Variants in CCDC171 observed in about 807,000 individuals in gnomAD.
CCDC171 encodes the protein coiled-coil domain containing 171.
Under a neutral mutation model 168.2 loss-of-function variants are expected in CCDC171, and 177 were observed. The observed-to-expected ratio is 1.05, with a 90% CI of 0.93 to 1.19. The LOEUF is 1.19. Among genes scored for constraint, CCDC171 ranks in the 50% most tolerant of loss-of-function variants. The pLI is 0.00. For synonymous variants in CCDC171, 687 were observed against 540.8 expected (o/e 1.27, Z -3.75); for missense variants, 1,991 against 1,539.0 (o/e 1.29, Z -4.91).
chr9:15,962,977 C>A (rs2132665989), intron 25 of CCDC171, among the ~76,000 whole-genome samples: 1 of 151,818 alleles, frequency 6.6e-6, no homozygotes, highest in South Asian at 2.1e-4. Context: ...ATTTCTCTAT[C>A]AGCCTTTACA....
At chr9:15,629,029 G>A (rs1232468980) in intron 7 of CCDC171, among the ~76,000 whole-genome samples, 1 of 152,116 alleles carries the variant, frequency 6.6e-6, no homozygotes, top group East Asian at 1.9e-4. Context: ...AAACCCTTCT[G>A]TACATCACCA....
At chr9:15,752,996 A>T (rs1469838915) in intron 18 of CCDC171, among the ~76,000 whole-genome samples, 2 of 152,164 alleles carry the variant, frequency 1.3e-5, no homozygotes, top group African/African-American at 4.8e-5. Flanking sequence ...TTATTAATTT[A>T]TTTAATGTAT....
chr9:15,963,807 C>T (rs1043402727), intron 25 of CCDC171, among the ~76,000 whole-genome samples: 5 of 152,134 alleles, frequency 3.3e-5, no homozygotes, highest in Non-Finnish European at 1.5e-5. Context: ...GTAATAGAGC[C>T]TCTGAATGTT....
intron 21 of CCDC171, among the ~76,000 whole-genome samples, chr9:15,798,509 G>A (rs985713630): frequency 4.0e-5 from 6 of 151,892 alleles, no homozygotes; most frequent in African/African-American, 1.4e-4. Flanking sequence ...TACATTTACC[G>A]TGGTGGTTTG....
rs751006817 is a variant in CCDC171 at position 15,723,747 on chromosome 9, G to T, written c.1491+1G>T. ...AGACTCTCACACTAAAAATATAAAG[G>T]TATTATTTAGAATAACTTTTACCTT... On this transcript the variant is annotated splice_donor_variant, in intron 13 of 25. Coordinates refer to ENST00000380701, the MANE Select transcript of CCDC171 (RefSeq NM_173550.4). LOFTEE classifies it high-confidence loss of function. 2.2e-6 allele frequency: 3 copies of T among 1,379,532 alleles called. No individual in the cohort carries two copies. The highest frequency in any genetic ancestry group is 1.0e-6 in the Non-Finnish European group (1 of 984,654). The allele number at this position is 1,379,532 out of a possible 1,614,324, so 85.5% of individuals were successfully genotyped here. A position where few individuals can be genotyped will look rare whatever the true frequency, so the allele number is the denominator to read the frequency against.
intron 18 of CCDC171, among the ~76,000 whole-genome samples, chr9:15,765,272 A>T (rs2056659818): frequency 6.6e-6 from 1 of 152,152 alleles, no homozygotes; most frequent in South Asian, 2.1e-4. Context: ...TTGGAGCAGG[A>T]GCAATATTTA....
chr9:15,599,218 T>A (rs182475973), intron 6 of CCDC171, among the ~76,000 whole-genome samples: 47 of 152,274 alleles, frequency 3.1e-4, no homozygotes, highest in African/African-American at 1.1e-3. Context: ...TTTTGCTCAT[T>A]AGTTGATGCA....
At chr9:15,757,879 C>T (rs760532176) in intron 18 of CCDC171, among the ~76,000 whole-genome samples, 12 of 152,286 alleles carry the variant, frequency 7.9e-5, no homozygotes, top group East Asian at 1.9e-4. Flanking sequence ...GTTGAGCCTA[C>T]GAGTGAACAG....
At chr9:15,678,338 T>C (rs1233375059) in intron 9 of CCDC171, among the ~76,000 whole-genome samples, 1 of 152,204 alleles carries the variant, frequency 6.6e-6, no homozygotes, top group Non-Finnish European at 1.5e-5. Context: ...CTGGTTCTAC[T>C]TGCATGGACA....
At chr9:15,641,520 A>T (rs1219324077) in intron 7 of CCDC171, among the ~76,000 whole-genome samples, 1 of 152,206 alleles carries the variant, frequency 6.6e-6, no homozygotes, top group Non-Finnish European at 1.5e-5. Flanking sequence ...CATAGAACCA[A>T]ATGTGACGTG....
At chr9:15,853,421 T>C (rs894342542) in intron 23 of CCDC171, among the ~76,000 whole-genome samples, 14 of 151,774 alleles carry the variant, frequency 9.2e-5, no homozygotes, top group South Asian at 4.1e-4. Flanking sequence ...GATTTTTGTA[T>C]GTTTATCTTT....
At chr9:15,842,819 C>T (rs894735253) in intron 21 of CCDC171, among the ~76,000 whole-genome samples, 7 of 151,612 alleles carry the variant, frequency 4.6e-5, no homozygotes, top group African/African-American at 1.2e-4. Flanking sequence ...CCTTAATAAA[C>T]GTTTGAAGCT....
chr9:15,571,835 C>T (rs1045951516), intron 3 of CCDC171, 76 bp downstream of exon 3: 41 of 1,293,438 alleles, frequency 3.2e-5, no homozygotes, highest in Non-Finnish European at 4.3e-5. Context: ...TGAAAAACTC[C>T]ATGTTTAACC....
chr9:15,914,083 C>A (rs1409888915), intron 24 of CCDC171, among the ~76,000 whole-genome samples: 1 of 152,208 alleles, frequency 6.6e-6, no homozygotes, highest in Non-Finnish European at 1.5e-5. Flanking sequence ...TCTGTCAACC[C>A]CTGCTGGGAG....
At chr9:15,957,187 G>A (rs1360415485) in intron 25 of CCDC171, among the ~76,000 whole-genome samples, 1 of 152,076 alleles carries the variant, frequency 6.6e-6, no homozygotes, top group Non-Finnish European at 1.5e-5. Context: ...TGAGCAGTTC[G>A]AGGGCAGGCA....
chr9:16,073,358 G>A, the CCDC171 span, among the ~76,000 whole-genome samples: 3 of 152,186 alleles, frequency 2.0e-5, no homozygotes, highest in African/African-American at 7.2e-5. Flanking sequence ...CCTGCAGGAA[G>A]GCTATTATGT....
chr9:15,799,166 A>ATATATATATATATATAT (rs2058701375), intron 21 of CCDC171, among the ~76,000 whole-genome samples: 1 of 130,466 alleles, frequency 7.7e-6, no homozygotes. Flanking sequence ...ATATATATAT[A>ATATATATATATATATAT]CCATTTTGAT....
chr9:15,644,489 C>G (rs1436011190), intron 7 of CCDC171, among the ~76,000 whole-genome samples: 2 of 152,192 alleles, frequency 1.3e-5, no homozygotes, highest in African/African-American at 4.8e-5. Flanking sequence ...ATTCCCTTTC[C>G]TAGCTAAGGG....
intron 7 of CCDC171, among the ~76,000 whole-genome samples, 178 bp from the exon 8 acceptor site, chr9:15,656,949 C>T (rs914730568): frequency 6.6e-6 from 1 of 151,512 alleles, no homozygotes; most frequent in Non-Finnish European, 1.5e-5. Flanking sequence ...GAAAAAAAAG[C>T]AGGCTCTGGA....
Sources: allele counts gnomAD v4.1 joint callset (sites outside exome capture counted in the v4.1 genomes callset), GRCh38; gene constraint gnomAD v4.1.1; transcripts MANE v1.5; gene names NCBI Gene and HGNC (gene_info 2026-07-23, HGNC 2026-07-21).